Variants in PIEZO2 observed in about 807,000 individuals in gnomAD.
PIEZO2 encodes the protein piezo-type mechanosensitive ion channel component 2.
A neutral mutation model predicts 337.3 loss-of-function variants in PIEZO2; 172 were observed. The ratio of observed to expected loss-of-function variants is 0.51; its 90% confidence interval spans 0.45 to 0.58. The LOEUF is 0.58. Ranked by LOEUF, PIEZO2 falls within the 20% of genes least tolerant of loss-of-function variation. The pLI is 0.00. For synonymous variants in PIEZO2, 1,251 were observed against 1,228.5 expected, an observed-to-expected ratio of 1.02 and a Z score of -0.38; for missense variants, 3,028 against 3,391.3, an observed-to-expected ratio of 0.89 and a Z score of 2.66.
Position 10,705,588 on chromosome 18 carries a change from C to T in PIEZO2, c.5747G>A (p.Gly1916Asp). The change falls in exon 41 of 56, where the codon GGT becomes GAT. Residue 1916 changes from glycine to aspartate, a missense_variant. Physicochemically the swap from Gly to Asp is moderately conservative, Grantham distance 94. Around this residue, in one of 5 missense-constraint regions of PIEZO2, gnomAD observed 1,925 missense variants for 2,051.9 expected, o/e 0.94. Coordinates refer to ENST00000674853, the MANE Select transcript of PIEZO2 (RefSeq NM_001378183.1). ...EATGYDVGAM[G>D]AEEASLTPEE... Reference sequence around the variant, plus strand: ...TGGGGTGAGGCTGGCCTCCTCGGCACCCATGGCTCCCACATCGTACCCAGT... The same window carrying T: ...TGGGGTGAGGCTGGCCTCCTCGGCATCCATGGCTCCCACATCGTACCCAGT... The T allele has an allele frequency of 6.5e-7, 1 of 1,537,214 alleles. No individual in the cohort carries two copies. The highest frequency in any genetic ancestry group is 8.7e-7 in the Non-Finnish European group (1 of 1,146,896).
intron 7 of PIEZO2, among the ~76,000 whole-genome samples, chr18:10,831,649 T>C (rs1263312961): frequency 6.6e-6 from 1 of 152,146 alleles, no homozygotes; most frequent in Non-Finnish European, 1.5e-5. Context: ...AGAGTAGAAC[T>C]GAAATGTTTA....
rs1483543353 is a variant in PIEZO2, at chr18:10,813,745, T to C, written c.918-6471A>G. On this transcript the variant is annotated intron_variant, in intron 7 of 55. Coordinates refer to ENST00000674853, the MANE Select transcript of PIEZO2 (RefSeq NM_001378183.1). This position sits in a 1 kb window ranked among gnomAD's most constrained non-coding sequence, Gnocchi z 4.2. ...ACCCTGTTTTCAATTCTTTTCTATA[T>C]ATAGCCATAAGTGAAATTGTTGGAT... 6.6e-6 allele frequency among the ~76,000 whole-genome samples: 1 copy of C among 152,170 alleles called. No homozygotes were observed. The highest frequency in any genetic ancestry group is 2.4e-5 in the African/African-American group (1 of 41,420).
Position 10,945,743 on chromosome 18 carries a change from T to C in PIEZO2, c.286+33792A>G, listed in dbSNP as rs1247952964. ...CCCAGAACTGCCAAAGGTGTTCAAATTGGAAGGCAAGAAAATAAAAAGTTA... is the reference window on the plus strand; with the variant it reads ...CCCAGAACTGCCAAAGGTGTTCAAACTGGAAGGCAAGAAAATAAAAAGTTA... On this transcript the variant is annotated intron_variant, in intron 3 of 55. Coordinates refer to ENST00000674853, the MANE Select transcript of PIEZO2 (RefSeq NM_001378183.1). This position sits in a 1 kb window ranked among gnomAD's most constrained non-coding sequence, Gnocchi z 4.0. Among the ~76,000 whole-genome samples, 5 of 152,200 alleles carry C rather than the reference T, an allele frequency of 3.3e-5. No homozygotes were observed. Among genetic ancestry groups the C allele is most frequent in the Non-Finnish European group, 2.9e-5 (2 of 68,040 alleles).
At position 10,704,551 on chromosome 18, in the gene PIEZO2, C is replaced by T. The variant is rs753662767; in HGVS notation, c.6101G>A (p.Arg2034His). The T allele has an allele frequency of 4.2e-5, 65 of 1,537,222 alleles. No homozygotes were observed. Among genetic ancestry groups the T allele is most frequent in the South Asian group, 3.0e-4 (25 of 84,056 alleles). The part of the protein sequence containing the change: ...FYAMYNTLVA[R>H]SEMVCYFVII... ...CACGAAGTAGCACACCATCTCCGAG[C>T]GGGCCACCAGGGTATTGTACATGGC... Residue 2034 changes from arginine (R) to histidine (H), a missense_variant, in exon 42 of 56, where the codon CGC becomes CAC. Around this residue, in one of 5 missense-constraint regions of PIEZO2, gnomAD observed 1,925 missense variants for 2,051.9 expected, o/e 0.94. Coordinates refer to ENST00000674853, the MANE Select transcript of PIEZO2 (RefSeq NM_001378183.1).
chr18:10,982,540 G>A lies in PIEZO2; in HGVS notation c.161-2880C>T, dbSNP rs1383771402. The stretch of plus-strand genomic sequence containing the variant: ...GTAGAAACTTTTACACCTTTGACAA[G>A]TATATTTCAAAATATGTAAGAAAAG... On this transcript the variant is annotated intron_variant, in intron 2 of 55. Coordinates refer to ENST00000674853, the MANE Select transcript of PIEZO2 (RefSeq NM_001378183.1). The surrounding 1 kb of genome is among the most constrained non-coding windows in gnomAD (Gnocchi z 4.1). Among the ~76,000 whole-genome samples the A allele has an allele frequency of 6.6e-6, 1 of 152,110 alleles. No individual in the cohort carries two copies. The highest frequency in any genetic ancestry group is 1.9e-4 in the East Asian group (1 of 5,194).
intron 2 of PIEZO2, among the ~76,000 whole-genome samples, chr18:11,022,658 T>C (rs1232345632): frequency 1.3e-5 from 2 of 152,182 alleles, no homozygotes; most frequent in South Asian, 2.1e-4. Context: ...AGGCCCTGTC[T>C]CCAAATACAG....
intron 2 of PIEZO2, among the ~76,000 whole-genome samples, chr18:11,064,231 G>A (rs2038073897): frequency 6.6e-6 from 1 of 152,108 alleles, no homozygotes; most frequent in Non-Finnish European, 1.5e-5. Context: ...CTTGCTTGGA[G>A]CCCCTCTGCA....
rs1462539057 is a variant in PIEZO2 at position 10,942,636 on chromosome 18, T to G, written c.287-31408A>C. Among the ~76,000 whole-genome samples the G allele has an allele frequency of 1.3e-5, 2 of 152,124 alleles. No individual in the cohort carries two copies. The highest frequency in any genetic ancestry group is 3.9e-4 in the East Asian group (2 of 5,186). On this transcript the variant is annotated intron_variant, in intron 3 of 55. Transcript: ENST00000674853. This position sits in a 1 kb window ranked among gnomAD's most constrained non-coding sequence, Gnocchi z 4.4. Reference sequence around the variant, plus strand: ...AGCAGAGCACAAAAGTTCGGAAAATTTGCAGCCTGACAATGCAATAAAAAA... The same window carrying G: ...AGCAGAGCACAAAAGTTCGGAAAATGTGCAGCCTGACAATGCAATAAAAAA...
chr18:10,743,211 G>A (rs946696300), intron 31 of PIEZO2, among the ~76,000 whole-genome samples: 3 of 152,040 alleles, frequency 2.0e-5, no homozygotes, highest in African/African-American at 7.2e-5. Flanking sequence ...AAATAATAAT[G>A]CTGTGGAATA....
At position 11,148,934 on chromosome 18, in the gene PIEZO2, G is replaced by A. The variant is rs1213630486; in HGVS notation, c.-346C>T. Among the ~76,000 whole-genome samples, 2 of 152,162 alleles carry A rather than the reference G, an allele frequency of 1.3e-5. No individual in the cohort carries two copies. The highest frequency in any genetic ancestry group is 2.9e-5 in the Non-Finnish European group (2 of 68,022). On this transcript the variant is annotated 5_prime_UTR_variant, in exon 1 of 56. Transcript: ENST00000674853. The surrounding 1 kb of genome is among the most constrained non-coding windows in gnomAD (Gnocchi z 5.2). ...TGATGCCGGGGCCTTGGAGAGGGACGCTTTGGGAGGGTCCTGGGAGGCGGC... is the reference window on the plus strand; with the variant it reads ...TGATGCCGGGGCCTTGGAGAGGGACACTTTGGGAGGGTCCTGGGAGGCGGC...
At chr18:11,056,954 C>T (rs551326070) in intron 2 of PIEZO2, among the ~76,000 whole-genome samples, 4 of 152,328 alleles carry the variant, frequency 2.6e-5, no homozygotes, top group South Asian at 4.1e-4. Flanking sequence ...TAAATTCCAT[C>T]TGTGAGTAAC....
intron 54 of PIEZO2, among the ~76,000 whole-genome samples, chr18:10,674,532 G>A (rs925843712): frequency 2.0e-5 from 3 of 152,228 alleles, no homozygotes; most frequent in Admixed American, 6.5e-5. Flanking sequence ...CTTCACTTAT[G>A]TCTGCATCTT....
rs1475422357 is a variant in PIEZO2, at chr18:10,993,843, T to TA, written c.161-14184_161-14183insT. Among the ~76,000 whole-genome samples, 1 of 152,110 alleles carries TA rather than the reference T, an allele frequency of 6.6e-6. No individual in the cohort carries two copies. The highest frequency in any genetic ancestry group is 1.5e-5 in the Non-Finnish European group (1 of 68,028). On this transcript the variant is annotated intron_variant, in intron 2 of 55. Coordinates refer to ENST00000674853, the MANE Select transcript of PIEZO2 (RefSeq NM_001378183.1). The surrounding 1 kb of genome is among the most constrained non-coding windows in gnomAD (Gnocchi z 5.0). Reference sequence around the variant, plus strand: ...CTCCTGGCCATGTCTCTGCTTTTTTTTTATTATTAATTTTAAAATTTTTCA... The same window carrying TA: ...CTCCTGGCCATGTCTCTGCTTTTTTTATTATTATTAATTTTAAAATTTTTCA...
intron 2 of PIEZO2, among the ~76,000 whole-genome samples, chr18:11,049,290 C>T (rs1299413424): frequency 6.6e-6 from 1 of 152,150 alleles, no homozygotes; most frequent in African/African-American, 2.4e-5. Flanking sequence ...TCTGAGAATT[C>T]AAGTAACTTG....
At chr18:10,776,845 T>C (rs2038807313) in intron 18 of PIEZO2, among the ~76,000 whole-genome samples, 1 of 152,184 alleles carries the variant, frequency 6.6e-6, no homozygotes, top group East Asian at 1.9e-4. Context: ...AAATGGATCT[T>C]GATTTTCCAA....
Position 10,940,367 on chromosome 18 carries a change from T to A in PIEZO2, c.287-29139A>T, listed in dbSNP as rs144824948. 3.5e-4 allele frequency among the ~76,000 whole-genome samples: 53 copies of A among 152,336 alleles called. No homozygotes were observed. In the Middle Eastern group the frequency reaches 0.017, roughly 49 times the overall value. ...ATTCTGTAAAAGTACTGGGTCTAGATACTGATTTCACAGGATCAGTGCTAC... is the reference window on the plus strand; with the variant it reads ...ATTCTGTAAAAGTACTGGGTCTAGAAACTGATTTCACAGGATCAGTGCTAC... On this transcript the variant is annotated intron_variant, in intron 3 of 55. Coordinates refer to ENST00000674853, the MANE Select transcript of PIEZO2 (RefSeq NM_001378183.1). The surrounding 1 kb of genome is among the most constrained non-coding windows in gnomAD (Gnocchi z 5.3).
rs188839646 is a variant in PIEZO2 at position 11,130,403 on chromosome 18, T to C, written c.64+18122A>G. Among the ~76,000 whole-genome samples the C allele has an allele frequency of 5.9e-5, 9 of 152,368 alleles. No homozygotes were observed. The East Asian group carries it at 1.5e-3, about 26-fold the overall frequency. ...TATGGCCCACCAGAAGCAATTTGCT[T>C]TCAGCTGGCAAGGCCAGCAATATAC... On this transcript the variant is annotated intron_variant, in intron 1 of 55. Transcript: ENST00000674853.
chr18:11,038,780 C>G lies in PIEZO2; in HGVS notation c.160+27347G>C, dbSNP rs2037012384. ...TGCATACATACAAATAAAATTAGCTCTATACAACCTATAGGTATAACGGTG... is the reference window on the plus strand; with the variant it reads ...TGCATACATACAAATAAAATTAGCTGTATACAACCTATAGGTATAACGGTG... On this transcript the variant is annotated intron_variant, in intron 2 of 55. Coordinates refer to ENST00000674853, the MANE Select transcript of PIEZO2 (RefSeq NM_001378183.1). This position sits in a 1 kb window ranked among gnomAD's most constrained non-coding sequence, Gnocchi z 4.1. Among the ~76,000 whole-genome samples, 1 of 152,116 alleles carries G rather than the reference C, an allele frequency of 6.6e-6. No homozygotes were observed. The highest frequency in any genetic ancestry group is 6.6e-5 in the Admixed American group (1 of 15,264).
At chr18:10,692,428 T>G (rs1275881022) in intron 47 of PIEZO2, among the ~76,000 whole-genome samples, 1 of 152,114 alleles carries the variant, frequency 6.6e-6, no homozygotes, top group Non-Finnish European at 1.5e-5. Context: ...TGTGCCATAT[T>G]TTGGATTTGT....
Sources: gnomAD v4.1 joint callset for allele counts (sites outside exome capture counted in the v4.1 genomes callset) on GRCh38, gnomAD v4.1.1 for gene constraint, gnomAD v4.1.1 regional missense constraint, Gnocchi (gnomAD v3.1) non-coding constraint, MANE v1.5 for transcripts, NCBI Gene and HGNC (gene_info 2026-07-23, HGNC 2026-07-21) for gene names.